Variants in WDFY4 observed in about 807,000 individuals in gnomAD.
WDFY4 encodes WD repeat- and FYVE domain-containing protein 4.
Under a neutral mutation model 351.9 loss-of-function variants are expected in WDFY4, and 169 were observed. That is an observed-to-expected ratio of 0.48 (90% confidence interval 0.42 to 0.55). The LOEUF is 0.55. Among genes scored for constraint, WDFY4 ranks in the 20% least tolerant of loss-of-function variants. The pLI is 0.00. For synonymous variants in WDFY4, 1,622 were observed against 1,574.6 expected (o/e 1.03, Z -0.71); for missense variants, 3,803 against 3,935.6 (o/e 0.97, Z 0.90).
At chr10:48,939,105 G>A (rs1840597405) in intron 47 of WDFY4, among the ~76,000 whole-genome samples, 1 of 152,208 alleles carries the variant, frequency 6.6e-6, no homozygotes, top group Non-Finnish European at 1.5e-5. Context: ...TGGGCTGACT[G>A]AGCAGGTGCC....
In WDFY4 at chr10:48,873,621, G is replaced by A. The variant is rs1039049255; in HGVS notation, c.6872G>A (p.Arg2291Lys). The A allele has an allele frequency of 6.4e-7, 1 of 1,551,820 alleles. No individual in the cohort carries two copies. Among genetic ancestry groups the A allele is most frequent in the African/African-American group, 1.4e-5 (1 of 73,182 alleles). The change falls in exon 41 of 62, where the codon AGA becomes AAA. Residue 2291 changes from arginine to lysine, a missense_variant. Physicochemically the swap from Arg to Lys is conservative, Grantham distance 26. Coordinates refer to ENST00000325239, the MANE Select transcript of WDFY4 (RefSeq NM_001394531.1). ...TGTTCCCCATGGGAACTCGACTGGAGAGAAGGACCAGCTCGAATGAGGAAA... is the reference window on the plus strand; with the variant it reads ...TGTTCCCCATGGGAACTCGACTGGAAAGAAGGACCAGCTCGAATGAGGAAA... ...KPCSPWELDW[R>K]EGPARMRKRI... is the part of the protein sequence containing the mutation.
chr10:48,778,472 T>A, intron 17 of WDFY4, 139 bp from the exon 18 acceptor site: 1 of 830,864 alleles, frequency 1.2e-6, no homozygotes, highest in Non-Finnish European at 1.9e-6. Flanking sequence ...CATGCCATAA[T>A]GGGGAGGAGA....
In WDFY4 at chr10:48,849,494, ACAT is replaced by A. The variant is rs1363097242; in HGVS notation, c.6663+16786_6663+16788del. The stretch of plus-strand genomic sequence containing the variant: ...ATTATTGTTTTTAAACAGGAGAATT[ACAT>A]TTAATACAACGAGCTGTTGACAGCC... On this transcript the variant is annotated intron_variant, in intron 39 of 61. Coordinates refer to ENST00000325239, the MANE Select transcript of WDFY4 (RefSeq NM_001394531.1). 2.0e-5 allele frequency among the ~76,000 whole-genome samples: 3 copies of A among 152,346 alleles called. No homozygotes were observed. In the East Asian group the frequency reaches 5.8e-4, roughly 29 times the overall value.
intron 22 of WDFY4, 52 bp downstream of exon 22, chr10:48,790,037 G>A: frequency 2.0e-6 from 3 of 1,520,780 alleles, no homozygotes; most frequent in Non-Finnish European, 2.7e-6. Context: ...GGTTTGTGCT[G>A]TCATGGCTTG....
At chr10:48,777,523 T>C in intron 17 of WDFY4, 28 bp downstream of exon 17, 1 of 1,538,608 alleles carries the variant, frequency 6.5e-7, no homozygotes. Context: ...ATGGTTTAGC[T>C]CTCCATCCCT....
chr10:48,749,690 T>C (rs929205959), intron 12 of WDFY4, among the ~76,000 whole-genome samples: 14 of 152,284 alleles, frequency 9.2e-5, no homozygotes, highest in African/African-American at 3.1e-4. Flanking sequence ...ACCATTTCAC[T>C]TTTACCCTAT....
chr10:48,912,340 C>T (rs1838082288), intron 47 of WDFY4, among the ~76,000 whole-genome samples: 1 of 152,222 alleles, frequency 6.6e-6, no homozygotes, highest in African/African-American at 2.4e-5. Context: ...ACTTGGAGTT[C>T]AGTGTGGCAT....
Position 48,795,064 on chromosome 10 carries a change from G to T in WDFY4, c.4258-1234G>T, listed in dbSNP as rs142198236. Among the ~76,000 whole-genome samples the T allele has an allele frequency of 8.3e-4, 127 of 152,260 alleles. 1 individual carries two copies. Among genetic ancestry groups the T allele is most frequent in the African/African-American group, 3.0e-3 (125 of 41,548 alleles). Reference sequence around the variant, plus strand: ...GAGATCCAGGGTTGGGGCAGTGGAAGCTTGGAGAGAACAGTTATCTCAAAG... The same window carrying T: ...GAGATCCAGGGTTGGGGCAGTGGAATCTTGGAGAGAACAGTTATCTCAAAG... On this transcript the variant is annotated intron_variant, in intron 23 of 61. Coordinates refer to ENST00000325239, the MANE Select transcript of WDFY4 (RefSeq NM_001394531.1).
chr10:48,934,841 C>A (rs1190261833), intron 47 of WDFY4, among the ~76,000 whole-genome samples: 4 of 152,116 alleles, frequency 2.6e-5, no homozygotes, highest in Non-Finnish European at 5.9e-5. Context: ...TCACAGAGAC[C>A]CAGACTTTGG....
intron 17 of WDFY4, among the ~76,000 whole-genome samples, chr10:48,777,782 G>C (rs1170075568): frequency 6.6e-6 from 1 of 152,204 alleles, no homozygotes; most frequent in Admixed American, 6.5e-5. Flanking sequence ...GTCTTGCCTT[G>C]GTCCTGAGTA....
At chr10:48,848,395 G>A (rs1253074520) in intron 39 of WDFY4, among the ~76,000 whole-genome samples, 1 of 152,198 alleles carries the variant, frequency 6.6e-6, no homozygotes, top group Admixed American at 6.5e-5. Flanking sequence ...GAAGTGTTTA[G>A]GTCACCCGTT....
intron 47 of WDFY4, among the ~76,000 whole-genome samples, chr10:48,925,879 A>G (rs1222752945): frequency 6.6e-6 from 1 of 152,154 alleles, no homozygotes; most frequent in Non-Finnish European, 1.5e-5. Flanking sequence ...TGGGCCCTTC[A>G]TGTATGTCTA....
intron 12 of WDFY4, among the ~76,000 whole-genome samples, chr10:48,758,848 T>A (rs1176448654): frequency 6.6e-6 from 1 of 152,208 alleles, no homozygotes; most frequent in African/African-American, 2.4e-5. Flanking sequence ...GCTTTAAGGG[T>A]TTCGTCTGAT....
chr10:48,770,207 T>C (rs780391284), intron 13 of WDFY4, among the ~76,000 whole-genome samples: 1 of 152,216 alleles, frequency 6.6e-6, no homozygotes, highest in Non-Finnish European at 1.5e-5. Context: ...TATTGAGCAA[T>C]TTTGGAGTAA....
At chr10:48,705,486 G>T (rs2063602642) in intron 1 of WDFY4, among the ~76,000 whole-genome samples, 1 of 152,094 alleles carries the variant, frequency 6.6e-6, no homozygotes, top group African/African-American at 2.4e-5. Flanking sequence ...TCTTGAGAAT[G>T]AGACGGATGA....
At chr10:48,736,220 A>G (rs188678407) in intron 11 of WDFY4, 150 bp downstream of exon 11, 14 of 852,408 alleles carry the variant, frequency 1.6e-5, no homozygotes, top group Non-Finnish European at 2.1e-5. Context: ...GTGCTGTAAC[A>G]AATAAATCCC....
At chr10:48,937,780 T>C (rs1201372491) in intron 47 of WDFY4, among the ~76,000 whole-genome samples, 2 of 152,192 alleles carry the variant, frequency 1.3e-5, no homozygotes, top group Non-Finnish European at 2.9e-5. Context: ...GGTACGTCTG[T>C]CTCTACATGG....
rs1204845807 is a variant in WDFY4 at position 48,820,425 on chromosome 10, G to A, written c.5697G>A (p.Glu1899=). 5.8e-6 allele frequency: 9 copies of A among 1,551,110 alleles called. No individual in the cohort carries two copies. Among genetic ancestry groups the A allele is most frequent in the African/African-American group, 1.4e-5 (1 of 73,034 alleles). The part of the protein sequence containing the change: ...ASSPKQWLPL[E]VLLEASPDHA... The stretch of plus-strand genomic sequence containing the variant: ...GCCCCAAGCAGTGGCTGCCCCTGGA[G>A]GTGCTCCTGGAGGTGGGTTGGAAAA... Residue 1899 remains glutamate (E), a synonymous_variant, in exon 33 of 62, where the codon GAG becomes GAA. Transcript: ENST00000325239.
At position 48,867,171 on chromosome 10, in the gene WDFY4, AAAAATAAAATAAAATAAAAT is replaced by A. The variant is rs56031039; in HGVS notation, c.6664-63_6664-44del. 4.3e-5 allele frequency: 15 copies of A among 348,754 alleles called. 1 individual carries two copies. The highest frequency in any genetic ancestry group is 2.4e-4 in the South Asian group (3 of 12,590). 21.6% of individuals were successfully genotyped at this position (348,754 alleles called of 1,614,324 possible). A position where few individuals can be genotyped will look rare whatever the true frequency, so the allele number is the denominator to read the frequency against. ...GGTGACAGAATGAGACTGTGTCTCA[AAAAATAAAATAAAATAAAAT>A]AAAATAAAATAAAATAAAATAAAAT... is the stretch of plus-strand genomic sequence containing the variant. On this transcript the variant is annotated intron_variant, in intron 39 of 61. Coordinates refer to ENST00000325239, the MANE Select transcript of WDFY4 (RefSeq NM_001394531.1).
Sources: gnomAD v4.1 joint callset for allele counts (sites outside exome capture counted in the v4.1 genomes callset) on GRCh38, gnomAD v4.1.1 for gene constraint, MANE v1.5 for transcripts, NCBI Gene and HGNC (gene_info 2026-07-23, HGNC 2026-07-21) for gene names.